The following COG4 variants were observed in gnomAD, a reference collection of about 807,000 sequenced individuals.
COG4 encodes conserved oligomeric Golgi complex subunit 4.
COG4 carries 65 observed loss-of-function variants against 95.1 expected under a neutral mutation model. The ratio of observed to expected loss-of-function variants is 0.68; its 90% CI spans 0.56 to 0.84. The LOEUF is 0.84. COG4 is among the 40% of genes least tolerant of loss of function. COG4 has a pLI of 0.00. For synonymous variants in COG4, 421 were observed against 374.8 expected (o/e 1.12, Z -1.42); for missense variants, 1,045 against 989.1 (o/e 1.06, Z -0.76).
At chr16:70,518,269 C>G (rs958982383) in intron 2 of COG4, among the ~76,000 whole-genome samples, 2 of 152,144 alleles carry the variant, frequency 1.3e-5, no homozygotes, top group African/African-American at 4.8e-5. Flanking sequence ...TAGGTACAGT[C>G]AAAGAACTAG....
At chr16:70,492,287 C>T (rs868296832) in intron 12 of COG4, among the ~76,000 whole-genome samples, 2 of 152,290 alleles carry the variant, frequency 1.3e-5, no homozygotes, top group South Asian at 2.1e-4. Context: ...GAATTCAGGT[C>T]TCCCTACTCT....
chr16:70,484,513 A>G (rs984934907), intron 13 of COG4, among the ~76,000 whole-genome samples: 4 of 152,220 alleles, frequency 2.6e-5, no homozygotes, highest in African/African-American at 9.6e-5. Flanking sequence ...CTTCTTAAAT[A>G]TTTTGGTATG....
chr16:70,516,301 A>AT (rs530207617), intron 3 of COG4, among the ~76,000 whole-genome samples: 456 of 143,694 alleles, frequency 3.2e-3, no homozygotes, highest in East Asian at 7.0e-3. Flanking sequence ...GTTGAGTTAA[A>AT]TTTTTTTTTT....
At chr16:70,516,175 C>T (rs2049818784) in intron 3 of COG4, 1 of 385,864 alleles carries the variant, frequency 2.6e-6, no homozygotes, top group Non-Finnish European at 5.1e-6. Flanking sequence ...GTCTTGGCCA[C>T]TACTTTTAAT....
intron 8 of COG4, among the ~76,000 whole-genome samples, chr16:70,503,708 C>A (rs776541791): frequency 7.5e-6 from 1 of 133,038 alleles, no homozygotes; most frequent in Non-Finnish European, 1.5e-5. Flanking sequence ...CATTCTCCTG[C>A]CTCAGCCTCC....
At chr16:70,510,984 T>G (rs1268484321) in intron 5 of COG4, among the ~76,000 whole-genome samples, 4 of 151,858 alleles carry the variant, frequency 2.6e-5, no homozygotes, top group African/African-American at 4.8e-5. Context: ...AGGCTGGTCC[T>G]GAACCTCTGA....
At chr16:70,507,387 T>C (rs541048290) in intron 8 of COG4, among the ~76,000 whole-genome samples, 1 of 152,304 alleles carries the variant, frequency 6.6e-6, no homozygotes, top group African/African-American at 2.4e-5. Context: ...TATGTTTAGA[T>C]ATACAAGTAC....
chr16:70,523,247 G>A (rs2049991740), intron 1 of COG4, 126 bp downstream of exon 1: 15 of 1,192,890 alleles, frequency 1.3e-5, no homozygotes, highest in Non-Finnish European at 1.9e-5. Flanking sequence ...ACTAGCTTCC[G>A]CTTCTTTGTT....
rs1014439885 is a variant in COG4, at chr16:70,504,880, T to C, written c.1061+3526A>G. On this transcript the variant is annotated intron_variant, in intron 8 of 18. Coordinates refer to ENST00000323786, the MANE Select transcript of COG4 (RefSeq NM_015386.3). ...GAGCTGAGATCATGCCACTGTACTC[T>C]AGCTTGGGTGACAGAGCAAGACTGT... Among the ~76,000 whole-genome samples, 10 of 146,400 alleles carry C rather than the reference T, an allele frequency of 6.8e-5. No homozygotes were observed. The East Asian group carries it at 1.4e-3, about 21-fold the overall frequency.
Position 70,481,430 on chromosome 16 carries a change from C to G in COG4, c.2164G>C (p.Val722Leu). 6.2e-7 allele frequency: 1 copy of G among 1,613,156 alleles called. No homozygotes were observed. The highest frequency in any genetic ancestry group is 1.1e-5 in the South Asian group (1 of 91,068). Residue 722 changes from valine (V) to leucine (L), a missense_variant, in exon 18 of 19, where the codon GTG becomes CTG. Coordinates refer to ENST00000323786, the MANE Select transcript of COG4 (RefSeq NM_015386.3). ...LRSLIAYLTT[V>L]TTWTIRDKFA... ...TTGTCTCGGATGGTCCAGGTGGTCA[C>G]CGTGGTAAGGTAGGCAATGAGCGAC...
intron 12 of COG4, among the ~76,000 whole-genome samples, chr16:70,493,738 C>G (rs1429694603): frequency 6.6e-6 from 1 of 152,008 alleles, no homozygotes; most frequent in African/African-American, 2.4e-5. Flanking sequence ...GACCTGTGGA[C>G]AGTGGGCTGG....
Position 70,514,354 on chromosome 16 carries a change from G to C in COG4, c.525C>G (p.Leu175=). 1 of 1,614,198 alleles carries C rather than the reference G, an allele frequency of 6.2e-7. No homozygotes were observed. The highest frequency in any genetic ancestry group is 8.5e-7 in the Non-Finnish European group (1 of 1,180,044). Residue 175 remains leucine, a synonymous_variant, in exon 4 of 19, where the codon CTC becomes CTG. Transcript: ENST00000323786. ...YLCLDKSVIE[L]SRQGKEGSMI... ...GCTGACCCTCTTTGCCCTGTCGGCT[G>C]AGCTCAATGACCGACTTGTCCAGGC...
At chr16:70,518,202 G>A (rs1211915287) in intron 2 of COG4, among the ~76,000 whole-genome samples, 2 of 152,118 alleles carry the variant, frequency 1.3e-5, no homozygotes, top group Non-Finnish European at 2.9e-5. Flanking sequence ...GATTATAGGC[G>A]TGAGCTACTG....
intron 1 of COG4, among the ~76,000 whole-genome samples, chr16:70,520,632 CAAA>C (rs1200697695): frequency 3.5e-5 from 4 of 115,256 alleles, no homozygotes; most frequent in African/African-American, 3.1e-5. Flanking sequence ...AACGCTGTCT[CAAA>C]AAAAAAAAAA....
At chr16:70,503,439 C>A (rs1489502272) in intron 8 of COG4, among the ~76,000 whole-genome samples, 1 of 152,194 alleles carries the variant, frequency 6.6e-6, no homozygotes, top group African/African-American at 2.4e-5. Context: ...CAGCCTGACT[C>A]TAATGATCTC....
Position 70,506,612 on chromosome 16 carries a change from A to C in COG4, c.1061+1794T>G, listed in dbSNP as rs1169684492. 1.8e-4 allele frequency among the ~76,000 whole-genome samples: 11 copies of C among 60,734 alleles called. 1 individual carries two copies. Among genetic ancestry groups the C allele is most frequent in the South Asian group, 1.4e-3 (2 of 1,470 alleles). 39.8% of individuals were successfully genotyped at this position (60,734 alleles called of 152,430 possible). ...CTGCCTCAAAAAAAAAAAAAAAAAA[A>C]AAAAACAAAAAAAAAAACATTTAGC... On this transcript the variant is annotated intron_variant, in intron 8 of 18. Transcript: ENST00000323786.
intron 3 of COG4, chr16:70,515,875 C>T (rs2049811763): frequency 2.6e-6 from 1 of 391,034 alleles, no homozygotes; most frequent in Non-Finnish European, 5.0e-6. Flanking sequence ...TACTGTGTTC[C>T]AAGGTTTGGT....
At chr16:70,520,285 T>C (rs2049907813) in intron 1 of COG4, among the ~76,000 whole-genome samples, 1 of 149,132 alleles carries the variant, frequency 6.7e-6, no homozygotes, top group South Asian at 2.1e-4. Context: ...AATATAAAAA[T>C]ACAAAAAATT....
At chr16:70,504,531 T>C (rs1380865126) in intron 8 of COG4, among the ~76,000 whole-genome samples, 3 of 150,434 alleles carry the variant, frequency 2.0e-5, no homozygotes, top group Admixed American at 2.0e-4. Flanking sequence ...TGCTTGATCC[T>C]GGGAGGCGGA....
Sources: gnomAD v4.1 joint callset for allele counts (sites outside exome capture counted in the v4.1 genomes callset) on GRCh38, gnomAD v4.1.1 for gene constraint, MANE v1.5 for transcripts, NCBI Gene and HGNC (gene_info 2026-07-23, HGNC 2026-07-21) for gene names.